SHTN1: variants seen among roughly 807,000 people sequenced by gnomAD.
SHTN1 encodes the protein shootin-1.
SHTN1 carries 42 observed loss-of-function variants against 83.1 expected under a neutral mutation model. That is an observed-to-expected ratio of 0.51 (90% confidence interval 0.39 to 0.65). The LOEUF (loss-of-function observed/expected upper bound fraction) is 0.65. Among genes scored for constraint, SHTN1 ranks in the 30% least tolerant of loss-of-function variants. The pLI is 0.00. For missense variants in SHTN1, 622 were observed against 737.8 expected (o/e 0.84, Z 1.82); for synonymous variants, 224 against 247.7 (o/e 0.90, Z 0.90).
intron 2 of SHTN1, among the ~76,000 whole-genome samples, chr10:117,044,142 T>C (rs911194940): frequency 6.6e-6 from 1 of 152,168 alleles, no homozygotes; most frequent in Non-Finnish European, 1.5e-5. Context: ...GTAAGTATTT[T>C]TCTCTTCCTC....
intron 16 of SHTN1, among the ~76,000 whole-genome samples, chr10:116,897,922 T>C (rs1847578940): frequency 6.6e-6 from 1 of 152,184 alleles, no homozygotes; most frequent in Non-Finnish European, 1.5e-5. Context: ...GTCTACAGGC[T>C]TTTATTGATT....
At chr10:116,937,109 T>G (rs1849198819) in intron 9 of SHTN1, among the ~76,000 whole-genome samples, 1 of 152,176 alleles carries the variant, frequency 6.6e-6, no homozygotes, top group Non-Finnish European at 1.5e-5. Flanking sequence ...TCTTGACTCT[T>G]TATCCAATTT....
chr10:116,911,126 A>G (rs146647528), intron 14 of SHTN1, among the ~76,000 whole-genome samples: 205 of 152,340 alleles, frequency 1.3e-3, no homozygotes, highest in Non-Finnish European at 2.0e-3. Context: ...TAGTATCTGA[A>G]ACATTTTCTA....
intron 13 of SHTN1, among the ~76,000 whole-genome samples, chr10:116,913,455 A>G (rs948696985): frequency 6.6e-6 from 1 of 152,262 alleles, no homozygotes; most frequent in Non-Finnish European, 1.5e-5. Context: ...GTTGCTTCCC[A>G]GATTTTGAAT....
rs1589768795 is a variant in SHTN1 at position 116,881,824 on chromosome 10, A to G, written c.*4520T>C. ...AATTCCACTGTTTGGTAAATTACAT[A>G]TATGATGTTTTTGCCTGAAATTCTG... On this transcript the variant is annotated 3_prime_UTR_variant, in exon 17 of 17. Coordinates refer to ENST00000355371, the MANE Select transcript of SHTN1 (RefSeq NM_001127211.3). 9.0e-6 allele frequency: 5 copies of G among 557,682 alleles called. No individual in the cohort carries two copies. In the East Asian group the frequency reaches 1.7e-4, roughly 19 times the overall value. The allele number at this position is 557,682 out of a possible 1,614,324, so 34.5% of individuals were successfully genotyped here. A position where few individuals can be genotyped will look rare whatever the true frequency, so the allele number is the denominator to read the frequency against.
At chr10:117,048,483 A>G in exon 2 of SHTN1, 1 of 985,348 alleles carries the variant, frequency 1.0e-6, no homozygotes, top group Non-Finnish European at 1.2e-6. Context: ...CTGGAAAATG[A>G]AGGCAGACCA....
intron 9 of SHTN1, among the ~76,000 whole-genome samples, chr10:116,933,254 G>A (rs564436250): frequency 7.2e-5 from 11 of 152,156 alleles, no homozygotes; most frequent in Admixed American, 2.0e-4. Context: ...GTGCCATAGT[G>A]GTTTGCTGCA....
chr10:117,103,799 G>A (rs1326423743), intron 1 of SHTN1, among the ~76,000 whole-genome samples: 1 of 152,076 alleles, frequency 6.6e-6, no homozygotes, highest in African/African-American at 2.4e-5. Flanking sequence ...GCCTCCCAAA[G>A]TGCTGGGATT....
At position 117,120,396 on chromosome 10, in the gene SHTN1, C is replaced by T. The variant is rs577116732; in HGVS notation, c.-189+5911G>A. On this transcript the variant is annotated intron_variant, in intron 1 of 17. Coordinates refer to the SHTN1 transcript ENST00000392901. The stretch of plus-strand genomic sequence containing the variant: ...CTGAGTAGCTGGGACTACAGGCACC[C>T]GCCACCACGCCCAGCTAATTTTTTT... Among the ~76,000 whole-genome samples, 199 of 151,662 alleles carry T rather than the reference C, an allele frequency of 1.3e-3. 2 individuals are homozygous for T. Among genetic ancestry groups the T allele is most frequent in the Admixed American group, 2.6e-3 (40 of 15,230 alleles).
At chr10:117,005,302 G>A, upstream of SHTN1, 1 of 1,418,726 alleles carries the variant, frequency 7.0e-7, no homozygotes, top group South Asian at 1.4e-5. Context: ...GGGCGGGGCG[G>A]GCCCAGCAGT....
intron 1 of SHTN1, among the ~76,000 whole-genome samples, chr10:117,054,404 A>T (rs1013647372): frequency 4.1e-5 from 6 of 147,562 alleles, no homozygotes; most frequent in African/African-American, 1.5e-4. Flanking sequence ...TAGCATCCTT[A>T]TCTTTTTTTT....
intron 4 of SHTN1, among the ~76,000 whole-genome samples, chr10:116,958,114 T>C (rs1356004840): frequency 1.3e-5 from 2 of 152,082 alleles, no homozygotes; most frequent in East Asian, 3.9e-4. Flanking sequence ...AATTAAACAT[T>C]CCATTTGTCA....
At chr10:116,944,047 T>C (rs890679732) in intron 8 of SHTN1, among the ~76,000 whole-genome samples, 1 of 152,142 alleles carries the variant, frequency 6.6e-6, no homozygotes, top group African/African-American at 2.4e-5. Context: ...GCTGAGATAA[T>C]GAATGTACTA....
At chr10:116,969,550 AT>A (rs1450117768) in intron 2 of SHTN1, among the ~76,000 whole-genome samples, 1 of 152,232 alleles carries the variant, frequency 6.6e-6, no homozygotes, top group Non-Finnish European at 1.5e-5. Flanking sequence ...AAGGTACCAA[AT>A]TAAAAGAAGA....
At chr10:117,046,400 T>C (rs1053310438) in intron 2 of SHTN1, among the ~76,000 whole-genome samples, 6 of 152,222 alleles carry the variant, frequency 3.9e-5, no homozygotes, top group Admixed American at 1.3e-4. Context: ...TGTGGAGAAA[T>C]TGGAAGCATC....
At chr10:116,984,760 G>A (rs984245673) in intron 1 of SHTN1, among the ~76,000 whole-genome samples, 1 of 152,146 alleles carries the variant, frequency 6.6e-6, no homozygotes, top group Non-Finnish European at 1.5e-5. Context: ...TTACACAGCA[G>A]TTAGTTAACA....
intron 8 of SHTN1, among the ~76,000 whole-genome samples, chr10:116,942,627 CG>C (rs1318289230): frequency 6.6e-6 from 1 of 152,026 alleles, no homozygotes; most frequent in African/African-American, 2.4e-5. Context: ...AATGAACTAG[CG>C]GGAGTTAAGA....
intron 1 of SHTN1, among the ~76,000 whole-genome samples, chr10:116,983,753 C>A (rs1321144811): frequency 6.6e-6 from 1 of 151,910 alleles, no homozygotes; most frequent in Non-Finnish European, 1.5e-5. Flanking sequence ...CATACACACA[C>A]ACATATATAT....
At chr10:117,039,513 G>A (rs1480945779) in intron 2 of SHTN1, among the ~76,000 whole-genome samples, 1 of 152,092 alleles carries the variant, frequency 6.6e-6, no homozygotes, top group Non-Finnish European at 1.5e-5. Context: ...CAACAATGTA[G>A]GTTCATTAAT....
Sources: gnomAD v4.1 joint callset for allele counts (sites outside exome capture counted in the v4.1 genomes callset) on GRCh38, gnomAD v4.1.1 for gene constraint, MANE v1.5 for transcripts, NCBI Gene and HGNC (gene_info 2026-07-23, HGNC 2026-07-21) for gene names.